PRR5L: variants seen among roughly 807,000 people sequenced by gnomAD.
The protein encoded by PRR5L is proline rich 5 like.
Under a neutral mutation model 36.4 loss-of-function variants are expected in PRR5L, and 21 were observed. The ratio of observed to expected loss-of-function variants is 0.58; its 90% CI spans 0.41 to 0.83. The LOEUF (loss-of-function observed/expected upper bound fraction) is 0.83. Among genes scored for constraint, PRR5L ranks in the 40% least tolerant of loss-of-function variants. The pLI, the probability that PRR5L is intolerant of heterozygous loss-of-function variation, is 0.00. For missense variants in PRR5L, 381 were observed against 473.3 expected, an observed-to-expected ratio of 0.80 and a Z score of 1.81; for synonymous variants, 188 against 197.0, an observed-to-expected ratio of 0.95 and a Z score of 0.38.
rs968379281 is a variant in PRR5L, at chr11:36,374,255, C to A, written c.-125-26742C>A. Among the ~76,000 whole-genome samples the A allele has an allele frequency of 2.0e-5, 3 of 151,950 alleles. No individual in the cohort carries two copies. In the South Asian group the frequency reaches 6.2e-4, roughly 32 times the overall value. On this transcript the variant is annotated intron_variant, in intron 1 of 8. Transcript: ENST00000530639. ...GATTACAGGCACCCGCCACCATGCC[C>A]GGCTAATTTTTGTATTTTTAGTAGA...
chr11:36,347,842 A>G (rs12278368), intron 1 of PRR5L, among the ~76,000 whole-genome samples: 8,452 of 151,948 alleles, frequency 0.056, 774 homozygotes, highest in African/African-American at 0.19. Flanking sequence ...GGGAGGGGGA[A>G]AAAAGTTCCT....
intron 1 of PRR5L, among the ~76,000 whole-genome samples, chr11:36,313,575 A>G (rs867818924): frequency 5.9e-5 from 9 of 152,308 alleles, no homozygotes; most frequent in Middle Eastern, 6.8e-3. Context: ...GGAGTGGGGC[A>G]GAGATGCTCT....
intron 3 of PRR5L, among the ~76,000 whole-genome samples, chr11:36,415,471 C>T (rs1858121585): frequency 1.3e-5 from 2 of 152,230 alleles, no homozygotes; most frequent in South Asian, 4.1e-4. Context: ...GGGCCAGGCA[C>T]AGTGGCTCAT....
intron 3 of PRR5L, among the ~76,000 whole-genome samples, chr11:36,406,016 T>C (rs1223220563): frequency 2.6e-5 from 4 of 152,198 alleles, no homozygotes; most frequent in African/African-American, 9.7e-5. Flanking sequence ...GGGGGACTCA[T>C]AGCAACACCT....
At chr11:36,304,593 G>T (rs1856410529) in intron 1 of PRR5L, among the ~76,000 whole-genome samples, 1 of 152,174 alleles carries the variant, frequency 6.6e-6, no homozygotes, top group South Asian at 2.1e-4. Context: ...GTTCTCTGCA[G>T]GGATAAACCC....
intron 3 of PRR5L, among the ~76,000 whole-genome samples, chr11:36,408,868 T>C (rs1459243104): frequency 1.3e-5 from 2 of 152,186 alleles, no homozygotes; most frequent in African/African-American, 2.4e-5. Flanking sequence ...TTATAAGTGC[T>C]TTCAGTCTTT....
chr11:36,329,866 A>T (rs1190527635), intron 1 of PRR5L, among the ~76,000 whole-genome samples: 1 of 152,164 alleles, frequency 6.6e-6, no homozygotes, highest in African/African-American at 2.4e-5. Flanking sequence ...TTCATTACTC[A>T]TCTGTAAGGC....
chr11:36,365,019 G>A (rs1857130074), intron 1 of PRR5L, among the ~76,000 whole-genome samples: 1 of 152,162 alleles, frequency 6.6e-6, no homozygotes, highest in Non-Finnish European at 1.5e-5. Flanking sequence ...CAGGCTGTAA[G>A]GATTAAACGA....
intron 1 of PRR5L, chr11:36,381,657 A>C (rs1463446507): frequency 6.6e-6 from 1 of 152,168 alleles, no homozygotes; most frequent in Non-Finnish European, 1.5e-5. Context: ...TGAGGAGACC[A>C]CATCGACTGC....
chr11:36,428,322 A>T (rs567152020), intron 4 of PRR5L, among the ~76,000 whole-genome samples: 2 of 152,322 alleles, frequency 1.3e-5, no homozygotes, highest in East Asian at 3.9e-4. Context: ...ACATAAATTC[A>T]AAGATAAAAA....
chr11:36,456,015 GGA>G (rs1320205318), intron 8 of PRR5L, among the ~76,000 whole-genome samples: 1 of 152,048 alleles, frequency 6.6e-6, no homozygotes, highest in African/African-American at 2.4e-5. Context: ...ATCAGCAGGG[GGA>G]GAGAGGCTGA....
chr11:36,367,936 T>C (rs1421810082), intron 1 of PRR5L, among the ~76,000 whole-genome samples: 1 of 151,934 alleles, frequency 6.6e-6, no homozygotes, highest in East Asian at 1.9e-4. Flanking sequence ...TGGGTTAAGA[T>C]AGTATATCTC....
intron 3 of PRR5L, among the ~76,000 whole-genome samples, chr11:36,404,084 C>T (rs942603253): frequency 1.3e-5 from 2 of 152,076 alleles, no homozygotes; most frequent in Admixed American, 6.5e-5. Flanking sequence ...GTAGAAACTG[C>T]GCATGCAAAG....
At chr11:36,369,473 C>G (rs538928587) in intron 1 of PRR5L, among the ~76,000 whole-genome samples, 14 of 152,268 alleles carry the variant, frequency 9.2e-5, no homozygotes, top group African/African-American at 2.9e-4. Flanking sequence ...TCTGCAGAGT[C>G]TGAGGTATGT....
chr11:36,457,908 T>C (rs1435013800), intron 8 of PRR5L, among the ~76,000 whole-genome samples: 2 of 152,038 alleles, frequency 1.3e-5, no homozygotes, highest in Non-Finnish European at 2.9e-5. Flanking sequence ...CTCAAGGGCA[T>C]TTTTTTTAAG....
At chr11:36,374,611 G>A (rs1857234867) in intron 1 of PRR5L, among the ~76,000 whole-genome samples, 1 of 152,114 alleles carries the variant, frequency 6.6e-6, no homozygotes, top group Admixed American at 6.5e-5. Flanking sequence ...CCTGCAGCCG[G>A]GTAGAACTAG....
At chr11:36,405,349 T>C (rs1857887462) in intron 3 of PRR5L, among the ~76,000 whole-genome samples, 1 of 152,250 alleles carries the variant, frequency 6.6e-6, no homozygotes. Flanking sequence ...TTTTAAATGT[T>C]GGTAAATAAT....
At chr11:36,452,316 A>T (rs1858961577) in intron 8 of PRR5L, among the ~76,000 whole-genome samples, 1 of 152,098 alleles carries the variant, frequency 6.6e-6, no homozygotes, top group Non-Finnish European at 1.5e-5. Context: ...ACTTTAATGG[A>T]GTTGTAATAG....
At chr11:36,417,742 AT>A (rs1374441936) in intron 3 of PRR5L, among the ~76,000 whole-genome samples, 2 of 152,344 alleles carry the variant, frequency 1.3e-5, no homozygotes, top group East Asian at 3.9e-4. Context: ...TTCTCTGCAC[AT>A]AACATCTTGC....
Sources: gnomAD v4.1 joint callset for allele counts (sites outside exome capture counted in the v4.1 genomes callset) on GRCh38, gnomAD v4.1.1 for gene constraint, MANE v1.5 for transcripts, NCBI Gene and HGNC (gene_info 2026-07-23, HGNC 2026-07-21) for gene names.